CECR2: variants seen among roughly 807,000 people sequenced by gnomAD.
CECR2 encodes the protein CECR2 histone acetyl-lysine reader, also known as chromatin remodeling regulator CECR2.
In CECR2, 30 loss-of-function variants were observed where a neutral mutation model predicts 154.5. That is an observed-to-expected ratio of 0.19 (90% CI 0.15 to 0.26). The LOEUF (loss-of-function observed/expected upper bound fraction) is 0.26. CECR2 is among the 10% of genes least tolerant of loss of function. The pLI, the probability that CECR2 is intolerant of heterozygous loss-of-function variation, is 1.00. For missense variants in CECR2, 1,743 were observed against 1,829.3 expected (o/e 0.95, Z 0.86); for synonymous variants, 725 against 683.7 (o/e 1.06, Z -0.94).
At chr22:17,523,405 TTGAG>T (rs1396044689) in intron 8 of CECR2, among the ~76,000 whole-genome samples, 1 of 150,508 alleles carries the variant, frequency 6.6e-6, no homozygotes, top group African/African-American at 2.5e-5. Context: ...CTGTGTTCTG[TTGAG>T]TGACTGTCTT....
intron 1 of CECR2, among the ~76,000 whole-genome samples, chr22:17,462,037 C>T (rs1014021892): frequency 5.3e-5 from 8 of 152,024 alleles, no homozygotes; most frequent in African/African-American, 1.4e-4. Flanking sequence ...GTGGTCCACC[C>T]GCCTTGGCCT....
chr22:17,413,499 A>G (rs2054097150), intron 1 of CECR2, among the ~76,000 whole-genome samples: 1 of 151,998 alleles, frequency 6.6e-6, no homozygotes, highest in Non-Finnish European at 1.5e-5. Context: ...AGACCTGGGG[A>G]TCTTAGCAGC....
At chr22:17,513,677 G>A (rs768240213) in intron 8 of CECR2, among the ~76,000 whole-genome samples, 2 of 152,098 alleles carry the variant, frequency 1.3e-5, no homozygotes, top group Non-Finnish European at 2.9e-5. Context: ...AGTGGCCTTT[G>A]GTCCCTGGTA....
chr22:17,362,158 T>C (rs1409654199), intron 1 of CECR2, among the ~76,000 whole-genome samples: 6 of 152,168 alleles, frequency 3.9e-5, no homozygotes, highest in Non-Finnish European at 8.8e-5. Context: ...TTATCGTGCC[T>C]CAGCCTCCCA....
intron 1 of CECR2, among the ~76,000 whole-genome samples, chr22:17,457,215 C>A (rs150918420): frequency 6.6e-6 from 1 of 152,184 alleles, no homozygotes; most frequent in East Asian, 1.9e-4. Context: ...TTACTAGAGA[C>A]GGGGTTTCTC....
intron 2 of CECR2, among the ~76,000 whole-genome samples, chr22:17,490,606 T>A (rs1021980023): frequency 1.7e-4 from 26 of 151,828 alleles, no homozygotes; most frequent in Non-Finnish European, 3.2e-4. Context: ...GGCTAATTTT[T>A]TTTTTATTTT....
intron 1 of CECR2, among the ~76,000 whole-genome samples, chr22:17,408,256 A>C (rs143257536): frequency 8.3e-6 from 1 of 119,766 alleles, no homozygotes; most frequent in Non-Finnish European, 1.6e-5. Context: ...CTGTCTGTGG[A>C]TTCTAAATTA....
rs182513499 is a variant in CECR2, at chr22:17,500,641, G to A, written c.556G>A (p.Gly186Arg). The A allele has an allele frequency of 2.1e-4, 320 of 1,549,582 alleles. No individual in the cohort carries two copies. The highest frequency in any genetic ancestry group is 1.1e-3 in the South Asian group (94 of 83,024). ...GELSLSRESE[G>R]QKNVSSIPGK... Reference sequence around the variant, plus strand: ...AATATTATTTATTAGGGAAAGTGAAGGACAAAAAAATGTCTCAAGTATTCC... The same window carrying A: ...AATATTATTTATTAGGGAAAGTGAAAGACAAAAAAATGTCTCAAGTATTCC... Residue 186 changes from glycine to arginine, a missense_variant, in exon 5 of 19, where the codon GGA (glycine) becomes AGA (arginine). Physicochemically the swap from Gly to Arg is moderately radical, Grantham distance 125. Around this residue, in one of 4 missense-constraint regions of CECR2, gnomAD observed 292 missense variants for 301.2 expected, o/e 0.97. Transcript: ENST00000262608.
At chr22:17,403,575 CT>C (rs1221198438) in intron 1 of CECR2, among the ~76,000 whole-genome samples, 1 of 152,074 alleles carries the variant, frequency 6.6e-6, no homozygotes, top group Non-Finnish European at 1.5e-5. Context: ...ATTTCCTGTC[CT>C]TTTGCTTATC....
At chr22:17,529,832 AT>A (rs371195973) in intron 9 of CECR2, among the ~76,000 whole-genome samples, 5,759 of 152,302 alleles carry the variant, frequency 0.038, 222 homozygotes, top group African/African-American at 0.096. Context: ...TATGGAAGGA[AT>A]TTTTGTAAGC....
chr22:17,442,902 G>C (rs1264437625), intron 1 of CECR2, among the ~76,000 whole-genome samples: 1 of 152,128 alleles, frequency 6.6e-6, no homozygotes, highest in East Asian at 1.9e-4. Context: ...TCACATTTTT[G>C]CTTCATGACT....
At chr22:17,417,515 G>A (rs1331755129) in intron 1 of CECR2, among the ~76,000 whole-genome samples, 2 of 152,064 alleles carry the variant, frequency 1.3e-5, no homozygotes, top group Admixed American at 6.6e-5. Flanking sequence ...ACAGGATCTC[G>A]CTATGTTGCC....
chr22:17,526,205 C>T (rs1238168447), intron 9 of CECR2, among the ~76,000 whole-genome samples: 1 of 152,088 alleles, frequency 6.6e-6, no homozygotes, highest in African/African-American at 2.4e-5. Context: ...GCAAAGCTAT[C>T]CTAAGCAAAA....
intron 9 of CECR2, among the ~76,000 whole-genome samples, chr22:17,525,892 G>A (rs531327974): frequency 3.3e-5 from 5 of 152,230 alleles, no homozygotes; most frequent in African/African-American, 4.8e-5. Context: ...AATAATGCCT[G>A]TATTGTAGTC....
chr22:17,368,181 G>T (rs1390240417), upstream of CECR2, among the ~76,000 whole-genome samples: 1 of 152,146 alleles, frequency 6.6e-6, no homozygotes. Flanking sequence ...AATAAAGTGA[G>T]GGAGAGTGGA....
chr22:17,520,978 A>C (rs1464964356), intron 8 of CECR2, among the ~76,000 whole-genome samples: 3 of 152,116 alleles, frequency 2.0e-5, no homozygotes, highest in Non-Finnish European at 4.4e-5. Flanking sequence ...ACTGGGTCAA[A>C]TGGTATTTCT....
chr22:17,431,965 A>G (rs567472556), intron 1 of CECR2, among the ~76,000 whole-genome samples: 1 of 152,332 alleles, frequency 6.6e-6, no homozygotes, highest in African/African-American at 2.4e-5. Flanking sequence ...TCCTCTGGAA[A>G]CCACTGAGCT....
rs869194450 is a variant in CECR2 at position 17,552,787 on chromosome 22, T to TTTTTTTTA, written c.4390-48_4390-47insTTTTTTTA. ...TGGCTTACTTAAGTTTTTTTTTTTT[T>TTTTTTTTA]AACAACCCAATTTTTATTTTTGTTT... On this transcript the variant is annotated intron_variant, in intron 18 of 18. Coordinates refer to ENST00000262608, the MANE Select transcript of CECR2 (RefSeq NM_001290047.2). 1.7e-5 allele frequency: 24 copies of TTTTTTTTA among 1,391,182 alleles called. 1 individual carries two copies. The East Asian group carries it at 4.2e-4, about 25-fold the overall frequency. 86.2% of individuals were successfully genotyped at this position (1,391,182 alleles called of 1,614,324 possible).
At chr22:17,511,655 G>A (rs1021123580) in intron 7 of CECR2, among the ~76,000 whole-genome samples, 158 bp from the exon 8 acceptor site, 4 of 151,980 alleles carry the variant, frequency 2.6e-5, no homozygotes, top group East Asian at 3.8e-4. Context: ...TCCCTACACA[G>A]CTGAGCAGTG....
Sources: allele counts gnomAD v4.1 joint callset (sites outside exome capture counted in the v4.1 genomes callset), GRCh38; gene constraint gnomAD v4.1.1; regional missense constraint gnomAD v4.1.1; transcripts MANE v1.5; gene names NCBI Gene and HGNC (gene_info 2026-07-23, HGNC 2026-07-21).